WBP2NL: variants seen among roughly 807,000 people sequenced by gnomAD.
WBP2NL encodes the protein postacrosomal sheath WW domain-binding protein.
In WBP2NL, 27 loss-of-function variants were observed where a neutral mutation model predicts 23.3. The observed-to-expected ratio is 1.16, with a 90% CI of 0.85 to 1.60. The LOEUF (loss-of-function observed/expected upper bound fraction) is 1.60, where lower values mean the gene tolerates loss of function less well. WBP2NL is among the 40% of genes most tolerant of loss of function. WBP2NL has a pLI of 0.00. For missense variants in WBP2NL, 370 were observed against 389.5 expected (o/e 0.95, Z 0.42); for synonymous variants, 151 against 145.9 (o/e 1.03, Z -0.25).
chr22:42,000,657 G>C (rs753708127), intron 1 of WBP2NL, among the ~76,000 whole-genome samples: 3 of 152,050 alleles, frequency 2.0e-5, no homozygotes, highest in Admixed American at 1.3e-4. Context: ...AGCCGGGCGC[G>C]GTGGCCCACG....
chr22:42,053,387 C>T (rs1925905235), intron 8 of WBP2NL, among the ~76,000 whole-genome samples: 1 of 152,104 alleles, frequency 6.6e-6, no homozygotes, highest in Non-Finnish European at 1.5e-5. Flanking sequence ...TTTTGAGGAA[C>T]TGCCAGGCAG....
chr22:42,046,563 G>A (rs191596660), intron 8 of WBP2NL, among the ~76,000 whole-genome samples: 60 of 152,228 alleles, frequency 3.9e-4, no homozygotes, highest in Admixed American at 6.5e-4. Context: ...TTTTAGAAAT[G>A]TTCTACCTGT....
chr22:42,000,499 A>C (rs186063430), intron 1 of WBP2NL, among the ~76,000 whole-genome samples: 1 of 152,340 alleles, frequency 6.6e-6, no homozygotes, highest in East Asian at 1.9e-4. Flanking sequence ...GAAATAAAAA[A>C]CATAATTGAG....
intron 1 of WBP2NL, among the ~76,000 whole-genome samples, chr22:42,007,022 G>T (rs1922315724): frequency 6.6e-6 from 1 of 152,150 alleles, no homozygotes. Flanking sequence ...TTTGCATTTT[G>T]GTATATGTCC....
In WBP2NL at chr22:42,026,746, C is replaced by A. The variant is rs1392395853; in HGVS notation, c.515-20C>A. 2 of 1,597,274 alleles carry A rather than the reference C, an allele frequency of 1.3e-6. No individual in the cohort carries two copies. The highest frequency in any genetic ancestry group is 2.2e-5 in the South Asian group (2 of 89,772). On this transcript the variant is annotated intron_variant, in intron 5 of 5. Coordinates refer to ENST00000328823, the MANE Select transcript of WBP2NL (RefSeq NM_152613.3). Reference sequence around the variant, plus strand: ...GACTTAAAGGTAACTGAATTTTTTTCCTTCCATTATAATTCCCAGTTATTG... The same window carrying A: ...GACTTAAAGGTAACTGAATTTTTTTACTTCCATTATAATTCCCAGTTATTG...
downstream of WBP2NL, among the ~76,000 whole-genome samples, chr22:42,034,771 C>T (rs1925119048): frequency 6.6e-6 from 1 of 152,178 alleles, no homozygotes; most frequent in Non-Finnish European, 1.5e-5. Flanking sequence ...CAGGGACTTT[C>T]CATGCTGAGA....
At chr22:42,032,636 C>G, downstream of WBP2NL, 1 of 376,348 alleles carries the variant, frequency 2.7e-6, no homozygotes, top group South Asian at 2.1e-5. Context: ...CACAGATTAC[C>G]TCATTGTCAG....
intron 4 of WBP2NL, 40 bp downstream of exon 4, chr22:42,020,136 T>G (rs748697264): frequency 1.3e-6 from 2 of 1,563,632 alleles, no homozygotes; most frequent in Admixed American, 3.7e-5. Context: ...CTTTGGGGTT[T>G]TTTGTTTGTT....
At chr22:42,044,226 A>AT (rs1327718537) in intron 8 of WBP2NL, among the ~76,000 whole-genome samples, 1 of 151,310 alleles carries the variant, frequency 6.6e-6, no homozygotes, top group African/African-American at 2.4e-5. Flanking sequence ...TGTCTGGCTA[A>AT]TTTTTTTTTA....
rs774198391 is a variant in WBP2NL at position 42,026,771 on chromosome 22, G to T, written c.520G>T (p.Val174Phe). 6.2e-7 allele frequency: 1 copy of T among 1,613,266 alleles called. No homozygotes were observed. Among genetic ancestry groups the T allele is most frequent in the Non-Finnish European group, 8.5e-7 (1 of 1,179,644 alleles). The change falls in exon 6 of 6, where the codon GTC becomes TTC. Residue 174 changes from valine to phenylalanine, a missense_variant. Val to Phe is a conservative substitution (Grantham distance 50). Coordinates refer to ENST00000328823, the MANE Select transcript of WBP2NL (RefSeq NM_152613.3). ...CCTTCCATTATAATTCCCAGTTATT[G>T]TCTATGGAGCCCCACCTGCAGGATA... ...CTPQMPCSVI[V>F]YGAPPAGYGA...
intron 8 of WBP2NL, among the ~76,000 whole-genome samples, chr22:42,057,033 C>CT (rs935088837): frequency 6.6e-6 from 1 of 152,116 alleles, no homozygotes; most frequent in Admixed American, 6.5e-5. Context: ...GTATGGAGCT[C>CT]TTTGAGTTTA....
Position 42,049,689 on chromosome 22 carries a change from C to CCAAAA in WBP2NL, c.*274-8585_*274-8581dup, listed in dbSNP as rs530183560. Among the ~76,000 whole-genome samples the CCAAAA allele has an allele frequency of 1.9e-4, 12 of 62,926 alleles. No individual in the cohort carries two copies. The East Asian group carries it at 2.1e-3, about 11-fold the overall frequency. 41.3% of individuals were successfully genotyped at this position (62,926 alleles called of 152,430 possible). ...TGGGTGACAGAGCGAGACTCCGTCT[C>CCAAAA]CAAAACAAAACAAAACAAAAAAAAA... On this transcript the variant is annotated intron_variant and NMD_transcript_variant, in intron 8 of 8. Transcript: ENST00000436265.
chr22:42,058,171 C>T (rs964075357), intron 8 of WBP2NL: 1 of 151,598 alleles, frequency 6.6e-6, no homozygotes, highest in Non-Finnish European at 1.5e-5. Context: ...CTACCTCAGC[C>T]TCCCAAAGTG....
downstream of WBP2NL, among the ~76,000 whole-genome samples, chr22:42,028,961 C>G (rs1459171128): frequency 2.0e-5 from 3 of 152,192 alleles, no homozygotes; most frequent in Non-Finnish European, 4.4e-5. Context: ...CAAAAATGCT[C>G]CCACTTATTT....
chr22:42,017,353 G>A (rs192105852), intron 1 of WBP2NL, among the ~76,000 whole-genome samples: 3 of 151,994 alleles, frequency 2.0e-5, no homozygotes, highest in Admixed American at 6.6e-5. Context: ...CAAATGATCC[G>A]CCAGCCTCGG....
intron 8 of WBP2NL, among the ~76,000 whole-genome samples, chr22:42,049,705 CAAAA>C (rs1158837575): frequency 6.9e-4 from 26 of 37,484 alleles, no homozygotes; most frequent in African/African-American, 2.2e-3. Flanking sequence ...CAAAACAAAA[CAAAA>C]AAAAAAAAAA....
intron 1 of WBP2NL, chr22:42,001,541 G>T: frequency 2.7e-6 from 3 of 1,096,962 alleles, no homozygotes; most frequent in East Asian, 4.7e-5. Context: ...GCCCACATCA[G>T]CTGCTACACG....
At chr22:42,026,394 T>A (rs555024253) in intron 5 of WBP2NL, among the ~76,000 whole-genome samples, 1 of 151,942 alleles carries the variant, frequency 6.6e-6, no homozygotes, top group African/African-American at 2.4e-5. Flanking sequence ...ATAGTAAGTG[T>A]TCAATGGTAG....
rs180787356 is a variant in WBP2NL, at chr22:42,049,493, A to G, written c.*274-8797A>G. The stretch of plus-strand genomic sequence containing the variant: ...ATCACGAGGTCAGGAGATTGAGACC[A>G]TCCTGGCTAACACGGTGAAACCCCG... On this transcript the variant is annotated intron_variant and NMD_transcript_variant, in intron 8 of 8. Transcript: ENST00000436265. 4.8e-4 allele frequency among the ~76,000 whole-genome samples: 73 copies of G among 152,182 alleles called. 1 individual carries two copies. In the Middle Eastern group the frequency reaches 0.02, roughly 43 times the overall value.
Sources: gnomAD v4.1 joint callset for allele counts (sites outside exome capture counted in the v4.1 genomes callset) on GRCh38, gnomAD v4.1.1 for gene constraint, MANE v1.5 for transcripts, NCBI Gene and HGNC (gene_info 2026-07-23, HGNC 2026-07-21) for gene names.